SPATA6: variants seen among roughly 807,000 people sequenced by gnomAD.
SPATA6 encodes spermatogenesis associated 6.
Under a neutral mutation model 65.3 loss-of-function variants are expected in SPATA6, and 56 were observed. That is an observed-to-expected ratio of 0.86 (90% CI 0.69 to 1.07). SPATA6 has a LOEUF of 1.07. SPATA6 is among the 50% of genes least tolerant of loss of function. The probability of loss-of-function intolerance (pLI) is 0.00; values close to 1 mark genes in which losing one functional copy is unlikely to be tolerated. For synonymous variants in SPATA6, 199 were observed against 213.2 expected, an observed-to-expected ratio of 0.93 and a Z score of 0.58; for missense variants, 590 against 594.8, an observed-to-expected ratio of 0.99 and a Z score of 0.08.
the SPATA6 span, among the ~76,000 whole-genome samples, chr1:48,271,949 T>C: frequency 1.3e-5 from 2 of 152,128 alleles, no homozygotes; most frequent in Middle Eastern, 3.2e-3. Flanking sequence ...CTCCTTGAGT[T>C]CAGAAATCCT....
At chr1:48,446,128 A>C (rs1259821613) in intron 3 of SPATA6, among the ~76,000 whole-genome samples, 2 of 152,190 alleles carry the variant, frequency 1.3e-5, no homozygotes, top group African/African-American at 4.8e-5. Flanking sequence ...CAGGTAGAAA[A>C]GCAGCCATTA....
downstream of SPATA6, among the ~76,000 whole-genome samples, chr1:48,293,950 A>G (rs1417778738): frequency 6.6e-6 from 1 of 152,254 alleles, no homozygotes; most frequent in African/African-American, 2.4e-5. Context: ...ATCTGAGGAA[A>G]CATCATATAA....
At chr1:48,365,358 G>C (rs1450251172) in intron 9 of SPATA6, among the ~76,000 whole-genome samples, 6 of 152,086 alleles carry the variant, frequency 3.9e-5, no homozygotes, top group Non-Finnish European at 5.9e-5. Flanking sequence ...AGCTTGATGG[G>C]GGTGGCATTG....
At chr1:48,464,133 G>GT (rs1292281968) in intron 1 of SPATA6, among the ~76,000 whole-genome samples, 8 of 151,476 alleles carry the variant, frequency 5.3e-5, no homozygotes, top group Non-Finnish European at 8.8e-5. Flanking sequence ...AATGGCTGAG[G>GT]TTTTTTTAAG....
At chr1:48,436,365 G>T (rs1273161277) in intron 3 of SPATA6, 44 of 1,612,098 alleles carry the variant, frequency 2.7e-5, no homozygotes, top group South Asian at 6.6e-5. Flanking sequence ...GCTGGCTTTG[G>T]GTTATTTCTC....
chr1:48,391,531 C>A (rs1330903761), intron 8 of SPATA6, among the ~76,000 whole-genome samples: 5 of 152,118 alleles, frequency 3.3e-5, no homozygotes, highest in Non-Finnish European at 1.5e-5. Context: ...TATAAACTTA[C>A]CCTGATTTGC....
intron 1 of SPATA6, among the ~76,000 whole-genome samples, chr1:48,469,681 G>A (rs776001848): frequency 8.6e-5 from 13 of 151,848 alleles, no homozygotes; most frequent in Admixed American, 2.0e-4. Context: ...AGACAAGAAA[G>A]GAACTAAAAT....
chr1:48,423,096 TA>T (rs1653502474), intron 3 of SPATA6, among the ~76,000 whole-genome samples: 1 of 152,148 alleles, frequency 6.6e-6, no homozygotes, highest in East Asian at 1.9e-4. Context: ...CATATTCAAA[TA>T]AATACCTATT....
chr1:48,424,431 A>G (rs972473522), intron 3 of SPATA6, among the ~76,000 whole-genome samples: 1 of 152,248 alleles, frequency 6.6e-6, no homozygotes, highest in Non-Finnish European at 1.5e-5. Context: ...TACTGTAAAC[A>G]GTGCTGCAAC....
At chr1:48,284,198 C>A in the SPATA6 span, among the ~76,000 whole-genome samples, 1 of 152,072 alleles carries the variant, frequency 6.6e-6, no homozygotes, top group South Asian at 2.1e-4. Flanking sequence ...CCCTGATATC[C>A]TTTCTTCCAC....
chr1:48,404,967 C>T (rs1307355076), intron 5 of SPATA6, among the ~76,000 whole-genome samples: 2 of 152,174 alleles, frequency 1.3e-5, no homozygotes. Context: ...CATTCTAAAA[C>T]AGTAAAAATC....
chr1:48,264,350 A>T, the SPATA6 span, among the ~76,000 whole-genome samples: 1 of 152,198 alleles, frequency 6.6e-6, no homozygotes, highest in East Asian at 1.9e-4. Context: ...ATATACCCTT[A>T]TACTCTAACC....
At chr1:48,316,387 C>T (rs1482160638) in intron 11 of SPATA6, among the ~76,000 whole-genome samples, 4 of 152,206 alleles carry the variant, frequency 2.6e-5, no homozygotes, top group Admixed American at 1.3e-4. Context: ...CGCATATCTA[C>T]AACTATCTGA....
chr1:48,316,164 T>C (rs1047833677), intron 11 of SPATA6, among the ~76,000 whole-genome samples: 4 of 152,176 alleles, frequency 2.6e-5, no homozygotes, highest in African/African-American at 7.2e-5. Context: ...ACTTTCTTCA[T>C]AGAATTGGAA....
At chr1:48,332,547 C>A (rs931758368) in intron 11 of SPATA6, among the ~76,000 whole-genome samples, 2 of 152,074 alleles carry the variant, frequency 1.3e-5, no homozygotes, top group African/African-American at 4.8e-5. Flanking sequence ...TTAATGTGTA[C>A]CCAAAACAAG....
intron 1 of SPATA6, among the ~76,000 whole-genome samples, chr1:48,455,239 T>C (rs1417230098): frequency 2.0e-5 from 3 of 152,186 alleles, no homozygotes; most frequent in Admixed American, 6.5e-5. Flanking sequence ...AAGTGTAAAA[T>C]ATGAAATGGG....
At chr1:48,336,203 A>G (rs1646055068) in intron 11 of SPATA6, among the ~76,000 whole-genome samples, 1 of 152,080 alleles carries the variant, frequency 6.6e-6, no homozygotes, top group Admixed American at 6.6e-5. Flanking sequence ...TAGTTCAACC[A>G]TTGTGAAAGA....
chr1:48,288,050 A>G, the SPATA6 span, among the ~76,000 whole-genome samples: 9 of 152,178 alleles, frequency 5.9e-5, no homozygotes, highest in Non-Finnish European at 1.3e-4. Context: ...TTCTGCATAT[A>G]TTGAGATTAT....
At chr1:48,329,532 G>A (rs1318392102) in intron 11 of SPATA6, among the ~76,000 whole-genome samples, 1 of 152,196 alleles carries the variant, frequency 6.6e-6, no homozygotes, top group Non-Finnish European at 1.5e-5. Flanking sequence ...CTATTATCAT[G>A]ATTGAAAAGG....
Sources: allele counts gnomAD v4.1 joint callset (sites outside exome capture counted in the v4.1 genomes callset), GRCh38; gene constraint gnomAD v4.1.1; transcripts MANE v1.5; gene names NCBI Gene and HGNC (gene_info 2026-07-23, HGNC 2026-07-21).